IFT52: variants seen among roughly 807,000 people sequenced by gnomAD.
IFT52 encodes intraflagellar transport 52.
IFT52 carries 44 observed loss-of-function variants against 54.4 expected under a neutral mutation model. That is an observed-to-expected ratio of 0.81 (90% CI 0.63 to 1.04). The LOEUF (loss-of-function observed/expected upper bound fraction) is 1.04, where lower values mean the gene tolerates loss of function less well. IFT52 is among the 50% of genes least tolerant of loss of function. The probability of loss-of-function intolerance (pLI) is 0.00; values close to 1 mark genes in which losing one functional copy is unlikely to be tolerated. For synonymous variants in IFT52, 181 were observed against 185.3 expected, an observed-to-expected ratio of 0.98 and a Z score of 0.19; for missense variants, 452 against 523.6, an observed-to-expected ratio of 0.86 and a Z score of 1.33.
chr20:43,633,032 A>T (rs1985277778), intron 10 of IFT52, among the ~76,000 whole-genome samples: 1 of 152,222 alleles, frequency 6.6e-6, no homozygotes, highest in Non-Finnish European at 1.5e-5. Flanking sequence ...TATTGTATTC[A>T]TAGCTTTAAC....
At chr20:43,623,023 A>T (rs1984457437) in intron 9 of IFT52, among the ~76,000 whole-genome samples, 1 of 152,028 alleles carries the variant, frequency 6.6e-6, no homozygotes, top group Non-Finnish European at 1.5e-5. Context: ...TACTGGTGTC[A>T]CAGGTGCTCT....
chr20:43,591,343 C>G (rs1416204384), intron 1 of IFT52, among the ~76,000 whole-genome samples: 1 of 151,976 alleles, frequency 6.6e-6, no homozygotes, highest in Non-Finnish European at 1.5e-5. Flanking sequence ...TGGCTGCGAC[C>G]CCTCGGTATT....
intron 6 of IFT52, 92 bp downstream of exon 6, chr20:43,605,165 AAAT>A (rs1370684986): frequency 3.2e-6 from 5 of 1,541,228 alleles, no homozygotes; most frequent in Non-Finnish European, 4.4e-6. Flanking sequence ...CTGGTTACAA[AAAT>A]AATCAGAATT....
chr20:43,610,600 G>A (rs193069152), intron 6 of IFT52, among the ~76,000 whole-genome samples: 135 of 151,910 alleles, frequency 8.9e-4, no homozygotes, highest in Non-Finnish European at 1.4e-3. Context: ...TTAGCCAGGC[G>A]TGGTGGCGGG....
chr20:43,597,989 C>G (rs528466118), intron 3 of IFT52, among the ~76,000 whole-genome samples: 1 of 151,614 alleles, frequency 6.6e-6, no homozygotes, highest in South Asian at 2.1e-4. Flanking sequence ...GATAGTTGCA[C>G]ACCTATCTTC....
chr20:43,635,447 C>G (rs1985463561), intron 10 of IFT52, among the ~76,000 whole-genome samples: 2 of 152,124 alleles, frequency 1.3e-5, no homozygotes, highest in African/African-American at 4.8e-5. Flanking sequence ...TAGGCGCCAG[C>G]CACCACACCC....
At chr20:43,602,056 G>A (rs1005954016) in intron 3 of IFT52, among the ~76,000 whole-genome samples, 2 of 152,088 alleles carry the variant, frequency 1.3e-5, no homozygotes, top group Non-Finnish European at 2.9e-5. Context: ...AATGATCAAT[G>A]TTCTAAGTTC....
intron 8 of IFT52, among the ~76,000 whole-genome samples, chr20:43,619,328 G>A (rs890011242): frequency 6.6e-6 from 1 of 152,180 alleles, no homozygotes; most frequent in African/African-American, 2.4e-5. Flanking sequence ...GCAGTATCAC[G>A]TGTAAGGCCA....
At chr20:43,598,094 A>ATCATTCAATCTTATCC (rs1982141524) in intron 3 of IFT52, among the ~76,000 whole-genome samples, 2 of 152,170 alleles carry the variant, frequency 1.3e-5, no homozygotes, top group Admixed American at 1.3e-4. Context: ...ATACAATGGA[A>ATCATTCAATCTTATCC]TATTATTCAA....
intron 5 of IFT52, among the ~76,000 whole-genome samples, chr20:43,604,707 T>C (rs1982721006): frequency 6.6e-6 from 1 of 152,202 alleles, no homozygotes; most frequent in South Asian, 2.1e-4. Flanking sequence ...TGTGTTATTA[T>C]AATTTATTTT....
chr20:43,620,945 A>G lies in IFT52; in HGVS notation c.768+20A>G, dbSNP rs774276132. The G allele has an allele frequency of 3.2e-6, 5 of 1,579,936 alleles. No homozygotes were observed. Among genetic ancestry groups the G allele is most frequent in the Non-Finnish European group, 4.3e-6 (5 of 1,152,946 alleles). ...CCAGAGGTAGACACCGAATTATTAG[A>G]AACTTTTAAATGAAAAATGAGTCCA... On this transcript the variant is annotated intron_variant, in intron 9 of 13. Coordinates refer to ENST00000373030, the MANE Select transcript of IFT52 (RefSeq NM_016004.5).
intron 7 of IFT52, among the ~76,000 whole-genome samples, chr20:43,615,575 G>A (rs966194398): frequency 6.6e-6 from 1 of 152,124 alleles, no homozygotes; most frequent in Non-Finnish European, 1.5e-5. Flanking sequence ...AGGCCAAGGT[G>A]GGTGGATCAC....
At chr20:43,619,931 T>TG (rs1984153960) in intron 8 of IFT52, among the ~76,000 whole-genome samples, 1 of 145,886 alleles carries the variant, frequency 6.9e-6, no homozygotes, top group Non-Finnish European at 1.5e-5. Flanking sequence ...TTTTTTTTTT[T>TG]TTTGACATGG....
chr20:43,598,202 C>T (rs1385145376), intron 3 of IFT52, among the ~76,000 whole-genome samples: 1 of 152,100 alleles, frequency 6.6e-6, no homozygotes, highest in Non-Finnish European at 1.5e-5. Flanking sequence ...AAGACAAATA[C>T]TGTATGATTT....
In IFT52 at chr20:43,619,032, C is replaced by T. The variant is rs1984074518; in HGVS notation, c.699+6C>T. 1.3e-6 allele frequency: 2 copies of T among 1,579,132 alleles called. No homozygotes were observed. Among genetic ancestry groups the T allele is most frequent in the East Asian group, 4.5e-5 (2 of 44,684 alleles). The stretch of plus-strand genomic sequence containing the variant: ...AAGAAAACAGCAAAATCATGGTAAG[C>T]TTTTTCTTTTGTCATATTAATATAC... On this transcript the variant is annotated splice_donor_region_variant and intron_variant, in intron 8 of 13. Transcript: ENST00000373030.
At chr20:43,621,100 A>C (rs779645327) in intron 9 of IFT52, 175 bp downstream of exon 9, 36 of 497,798 alleles carry the variant, frequency 7.2e-5, no homozygotes, top group Non-Finnish European at 1.3e-4. Context: ...GTCAATAAAC[A>C]ATATATGTAA....
intron 7 of IFT52, among the ~76,000 whole-genome samples, chr20:43,615,373 A>G (rs767437826): frequency 6.6e-6 from 1 of 152,104 alleles, no homozygotes; most frequent in Non-Finnish European, 1.5e-5. Context: ...ATTTTGCTGA[A>G]TTTACCTTCA....
At position 43,643,669 on chromosome 20, in the gene IFT52, G is replaced by T. The variant is rs1319373445; in HGVS notation, c.1266+1045G>T. Reference sequence around the variant, plus strand: ...GATATCTGGGGGAGGAGTGTCCCAGGCAGAGGGGAGATGTGTGCAAAGTTC... The same window carrying T: ...GATATCTGGGGGAGGAGTGTCCCAGTCAGAGGGGAGATGTGTGCAAAGTTC... On this transcript the variant is annotated intron_variant, in intron 13 of 13. Coordinates refer to ENST00000373030, the MANE Select transcript of IFT52 (RefSeq NM_016004.5). Among the ~76,000 whole-genome samples the T allele has an allele frequency of 3.4e-5, 2 of 58,014 alleles. 1 individual carries two copies. The highest frequency in any genetic ancestry group is 1.0e-4 in the African/African-American group (2 of 19,994). 38.1% of individuals were successfully genotyped at this position (58,014 alleles called of 152,430 possible).
intron 12 of IFT52, among the ~76,000 whole-genome samples, chr20:43,641,628 G>T (rs913864300): frequency 6.6e-6 from 1 of 151,454 alleles, no homozygotes; most frequent in Non-Finnish European, 1.5e-5. Context: ...CGAGTAGCTG[G>T]GATTACAGGT....
Sources: gnomAD v4.1 joint callset for allele counts (sites outside exome capture counted in the v4.1 genomes callset) on GRCh38, gnomAD v4.1.1 for gene constraint, MANE v1.5 for transcripts, NCBI Gene and HGNC (gene_info 2026-07-23, HGNC 2026-07-21) for gene names.